The following DAB1 variants were observed in gnomAD, a reference collection of about 807,000 sequenced individuals.
The protein encoded by DAB1 is DAB adaptor protein 1.
Under a neutral mutation model 64.6 loss-of-function variants are expected in DAB1, and 15 were observed. The observed-to-expected ratio is 0.23, with a 90% CI of 0.16 to 0.36. The LOEUF (loss-of-function observed/expected upper bound fraction) is 0.36, where lower values mean the gene tolerates loss of function less well. Among genes scored for constraint, DAB1 ranks in the 10% least tolerant of loss-of-function variants. The pLI is 1.00. For synonymous variants in DAB1, 235 were observed against 251.9 expected (o/e 0.93, Z 0.64); for missense variants, 596 against 706.7 (o/e 0.84, Z 1.78).
chr1:58,472,596 G>T (rs899853345), intron 3 of DAB1, among the ~76,000 whole-genome samples: 1 of 152,126 alleles, frequency 6.6e-6, no homozygotes, highest in South Asian at 2.1e-4. Context: ...GTGGGGCTGT[G>T]GGGAGGGGGC....
intron 1 of DAB1, among the ~76,000 whole-genome samples, chr1:58,538,394 C>T (rs1235481060): frequency 6.6e-6 from 1 of 152,054 alleles, no homozygotes; most frequent in African/African-American, 2.4e-5. Context: ...TTAAATTCCA[C>T]AAATTAAAAA....
chr1:57,401,003 A>C (rs1302205531), intron 1 of DAB1, among the ~76,000 whole-genome samples: 1 of 151,824 alleles, frequency 6.6e-6, no homozygotes, highest in East Asian at 1.9e-4. Flanking sequence ...TAAAAAAAAA[A>C]AAAAGTGCCG....
chr1:57,204,453 A>T (rs1330634006), intron 2 of DAB1, among the ~76,000 whole-genome samples: 15 of 36,508 alleles, frequency 4.1e-4, no homozygotes, highest in African/African-American at 7.9e-4. Flanking sequence ...TCTAGATTTA[A>T]AAAAAAAAAA....
At chr1:57,851,497 G>A (rs1653523115) in intron 1 of DAB1, among the ~76,000 whole-genome samples, 1 of 152,190 alleles carries the variant, frequency 6.6e-6, no homozygotes, top group African/African-American at 2.4e-5. Flanking sequence ...AAGACCTCAG[G>A]CTATCTGAGG....
chr1:57,182,964 A>T (rs903690308), intron 2 of DAB1, among the ~76,000 whole-genome samples: 1 of 152,174 alleles, frequency 6.6e-6, no homozygotes, highest in African/African-American at 2.4e-5. Flanking sequence ...GCCTCATTTT[A>T]ACTGCTCAAT....
At chr1:57,613,502 T>C (rs1645753190) in intron 7 of DAB1, among the ~76,000 whole-genome samples, 1 of 152,096 alleles carries the variant, frequency 6.6e-6, no homozygotes, top group Admixed American at 6.5e-5. Flanking sequence ...ATGGATTAGC[T>C]AGGGCCGATT....
chr1:57,469,842 C>T (rs1398112803), intron 7 of DAB1, among the ~76,000 whole-genome samples: 1 of 152,090 alleles, frequency 6.6e-6, no homozygotes, highest in Non-Finnish European at 1.5e-5. Context: ...GATTTGATTT[C>T]CTTCTTGGAG....
chr1:57,063,315 A>G (rs371163515), intron 8 of DAB1, among the ~76,000 whole-genome samples: 20 of 152,318 alleles, frequency 1.3e-4, no homozygotes, highest in East Asian at 7.7e-4. Context: ...GAAGTGATTA[A>G]AAACAGTTTG....
intron 7 of DAB1, chr1:57,605,778 C>T (rs1431691613): frequency 2.7e-6 from 1 of 368,400 alleles, no homozygotes; most frequent in Admixed American, 3.6e-5. Flanking sequence ...GCCTTGGGTA[C>T]CATATTCATG....
At chr1:57,218,862 C>T (rs184972891) in intron 2 of DAB1, among the ~76,000 whole-genome samples, 1 of 152,192 alleles carries the variant, frequency 6.6e-6, no homozygotes, top group African/African-American at 2.4e-5. Context: ...ACCTATTTCT[C>T]TCTGTCAAGA....
chr1:58,418,919 A>T (rs1458487937), intron 3 of DAB1, among the ~76,000 whole-genome samples: 1 of 152,228 alleles, frequency 6.6e-6, no homozygotes, highest in African/African-American at 2.4e-5. Flanking sequence ...GGATGGTGGA[A>T]AAACTGAAAT....
At chr1:58,148,163 C>T (rs760494844) in intron 5 of DAB1, among the ~76,000 whole-genome samples, 4 of 152,148 alleles carry the variant, frequency 2.6e-5, no homozygotes, top group Non-Finnish European at 5.9e-5. Context: ...TGTAGCCTGA[C>T]CTACCATCTG....
chr1:57,574,288 G>A (rs898782281), intron 7 of DAB1, among the ~76,000 whole-genome samples: 3 of 152,090 alleles, frequency 2.0e-5, no homozygotes, highest in African/African-American at 4.8e-5. Context: ...TTTGTGGGAG[G>A]TACAGAGGGG....
chr1:57,632,634 A>G (rs1015554037), intron 7 of DAB1, among the ~76,000 whole-genome samples: 1 of 152,170 alleles, frequency 6.6e-6, no homozygotes, highest in Admixed American at 6.5e-5. Flanking sequence ...GTATTGTGTG[A>G]GAGTTGTGAG....
At chr1:58,195,089 G>A (rs762870515) in intron 4 of DAB1, among the ~76,000 whole-genome samples, 4 of 152,036 alleles carry the variant, frequency 2.6e-5, no homozygotes, top group Non-Finnish European at 4.4e-5. Context: ...TAAGAAAAGG[G>A]CAAAAATATG....
chr1:57,862,159 A>G (rs933815314), intron 1 of DAB1, among the ~76,000 whole-genome samples: 2 of 152,220 alleles, frequency 1.3e-5, no homozygotes, highest in African/African-American at 4.8e-5. Context: ...ATCTTACTAT[A>G]TGCTAAGCAC....
At chr1:57,048,615 C>T (rs1301179600) in intron 9 of DAB1, among the ~76,000 whole-genome samples, 2 of 152,194 alleles carry the variant, frequency 1.3e-5, no homozygotes, top group Admixed American at 6.5e-5. Context: ...TTCATACTAC[C>T]TTCTCTGGAT....
At chr1:57,487,645 G>A (rs1379690931) in intron 7 of DAB1, among the ~76,000 whole-genome samples, 7 of 152,192 alleles carry the variant, frequency 4.6e-5, no homozygotes, top group African/African-American at 1.2e-4. Flanking sequence ...ATTCAGTACA[G>A]TAACAGGCTG....
chr1:57,130,030 G>A (rs1476093767), intron 4 of DAB1, among the ~76,000 whole-genome samples: 1 of 151,714 alleles, frequency 6.6e-6, no homozygotes, highest in Non-Finnish European at 1.5e-5. Flanking sequence ...AAATGATCCA[G>A]GGTACCTTGT....
Sources: gnomAD v4.1 joint callset for allele counts (sites outside exome capture counted in the v4.1 genomes callset) on GRCh38, gnomAD v4.1.1 for gene constraint, MANE v1.5 for transcripts, NCBI Gene and HGNC (gene_info 2026-07-23, HGNC 2026-07-21) for gene names.